CRYBG1: variants seen among roughly 807,000 people sequenced by gnomAD.
CRYBG1 encodes beta/gamma crystallin domain-containing protein 1.
A neutral mutation model predicts 189.2 loss-of-function variants in CRYBG1; 139 were observed. That is an observed-to-expected ratio of 0.73 (90% CI 0.64 to 0.85). CRYBG1 has a LOEUF of 0.85. CRYBG1 is among the 40% of genes least tolerant of loss of function. The pLI is 0.00. For synonymous variants in CRYBG1, 1,023 were observed against 1,017.1 expected (o/e 1.01, Z -0.11); for missense variants, 2,611 against 2,675.8 (o/e 0.98, Z 0.53).
chr6:106,517,766 AG>A (rs771813601), intron 3 of CRYBG1, among the ~76,000 whole-genome samples: 2 of 152,168 alleles, frequency 1.3e-5, no homozygotes, highest in Non-Finnish European at 2.9e-5. Flanking sequence ...GAGTCCAGAG[AG>A]GTAAAGTAAC....
intron 2 of CRYBG1, among the ~76,000 whole-genome samples, chr6:106,502,119 C>T (rs1258119767): frequency 6.6e-6 from 1 of 152,170 alleles, no homozygotes; most frequent in Non-Finnish European, 1.5e-5. Context: ...AGGGCCGCTT[C>T]ACCCTCTTTC....
chr6:106,522,778 C>T (rs1773639808), intron 4 of CRYBG1, among the ~76,000 whole-genome samples: 1 of 152,120 alleles, frequency 6.6e-6, no homozygotes, highest in Non-Finnish European at 1.5e-5. Context: ...ATTGTATTGG[C>T]TTTTACTACA....
intron 6 of CRYBG1, among the ~76,000 whole-genome samples, chr6:106,526,589 T>G (rs1367816178): frequency 1.3e-5 from 2 of 152,158 alleles, no homozygotes; most frequent in Admixed American, 6.5e-5. Context: ...ACATATTCAT[T>G]GATATGACTG....
At chr6:106,369,935 G>A (rs1286495714) in intron 1 of CRYBG1, among the ~76,000 whole-genome samples, 1 of 152,194 alleles carries the variant, frequency 6.6e-6, no homozygotes, top group South Asian at 2.1e-4. Flanking sequence ...TCCCCAGCCG[G>A]TGATCTTGAG....
intron 1 of CRYBG1, among the ~76,000 whole-genome samples, chr6:106,408,659 AG>A (rs1424062146): frequency 6.6e-6 from 1 of 152,198 alleles, no homozygotes; most frequent in Non-Finnish European, 1.5e-5. Flanking sequence ...CACATCAAAA[AG>A]CTTATCCACC....
chr6:106,434,103 C>T (rs1373915529), intron 1 of CRYBG1, among the ~76,000 whole-genome samples: 1 of 151,678 alleles, frequency 6.6e-6, no homozygotes, highest in Non-Finnish European at 1.5e-5. Flanking sequence ...GCCTCAGTTC[C>T]TCAATGGCTA....
intron 2 of CRYBG1, among the ~76,000 whole-genome samples, chr6:106,503,070 A>G (rs958690686): frequency 6.6e-6 from 1 of 152,144 alleles, no homozygotes; most frequent in African/African-American, 2.4e-5. Context: ...GCTCGGGAAT[A>G]TGGGGAGAGA....
At position 106,511,796 on chromosome 6, in the gene CRYBG1, T is replaced by A. The variant is rs1244800762; in HGVS notation, c.679T>A (p.Cys227Ser). Residue 227 changes from cysteine (C) to serine (S), a missense_variant, in exon 3 of 22, where the codon TGC becomes AGC. Cys to Ser is a moderately radical substitution (Grantham distance 112, BLOSUM62 -1). This residue lies in a region of CRYBG1 where 985 missense variants were observed against 924.4 expected (regional missense o/e 1.07). Transcript: ENST00000633556. ...SSAAAVAVQQ[C>S]HENDSPQLEP... ...TGCAGCGGCTGTGGCTGTGCAGCAGTGCCATGAAAATGATTCACCCCAATT... is the reference window on the plus strand; with the variant it reads ...TGCAGCGGCTGTGGCTGTGCAGCAGAGCCATGAAAATGATTCACCCCAATT... 6.5e-7 allele frequency: 1 copy of A among 1,528,782 alleles called. No individual in the cohort carries two copies. The highest frequency in any genetic ancestry group is 8.8e-7 in the Non-Finnish European group (1 of 1,142,666). The allele number at this position is 1,528,782 out of a possible 1,614,324, so 94.7% of individuals were successfully genotyped here. A position where few individuals can be genotyped will look rare whatever the true frequency, so the allele number is the denominator to read the frequency against.
rs1449436814 is a variant in CRYBG1, at chr6:106,520,631, T to C, written c.3423T>C (p.Pro1141=). ...PNSPAPHFAM[P]PIHEDHLEKV... Reference sequence around the variant, plus strand: ...CTCCTGCTCCTCACTTTGCCATGCCTCCTATTCACGAAGACCATTTAGAAA... The same window carrying C: ...CTCCTGCTCCTCACTTTGCCATGCCCCCTATTCACGAAGACCATTTAGAAA... The change falls in exon 4 of 22, where the codon CCT becomes CCC. Residue 1141 remains proline (P), a synonymous_variant. Transcript: ENST00000633556. 1 of 1,614,114 alleles carries C rather than the reference T, an allele frequency of 6.2e-7. No individual in the cohort carries two copies. Among genetic ancestry groups the C allele is most frequent in the Non-Finnish European group, 8.5e-7 (1 of 1,180,054 alleles).
intron 8 of CRYBG1, among the ~76,000 whole-genome samples, chr6:106,534,145 A>T (rs11153006): frequency 0.68 from 103,501 of 151,614 alleles, 36,051 homozygotes; most frequent in South Asian, 0.84. Context: ...ATCTGTTATC[A>T]TATTTTAATC....
chr6:106,508,860 A>G (rs927372095), intron 2 of CRYBG1, among the ~76,000 whole-genome samples: 1 of 151,966 alleles, frequency 6.6e-6, no homozygotes, highest in African/African-American at 2.4e-5. Flanking sequence ...GGAGGAGTCA[A>G]GTAGTTGAGC....
intron 1 of CRYBG1, among the ~76,000 whole-genome samples, chr6:106,392,309 C>T (rs1770522761): frequency 6.6e-6 from 1 of 152,178 alleles, no homozygotes. Context: ...ACCCCATCAT[C>T]TTGAAAAAGG....
At position 106,572,004 on chromosome 6, in the gene CRYBG1, C is replaced by T; in HGVS notation, c.*3438C>T. The T allele has an allele frequency of 6.2e-7, 1 of 1,610,770 alleles. No homozygotes were observed. Among genetic ancestry groups the T allele is most frequent in the East Asian group, 2.2e-5 (1 of 44,868 alleles). On this transcript the variant is annotated 3_prime_UTR_variant, in exon 22 of 22. Coordinates refer to ENST00000633556, the MANE Select transcript of CRYBG1 (RefSeq NM_001371242.2). ...CTAAACTGCATTTTTATTTAAACAA[C>T]ATTAATTACAGTCTTTCCTCGTGCG...
chr6:106,440,159 T>C (rs1218571415), intron 1 of CRYBG1, among the ~76,000 whole-genome samples: 1 of 152,084 alleles, frequency 6.6e-6, no homozygotes, highest in Non-Finnish European at 1.5e-5. Flanking sequence ...CCCTCTACTC[T>C]CCCTCAGCTA....
At chr6:106,412,487 T>G (rs1770945770) in intron 1 of CRYBG1, among the ~76,000 whole-genome samples, 2 of 152,250 alleles carry the variant, frequency 1.3e-5, no homozygotes, top group Admixed American at 1.3e-4. Context: ...TCTTTAAAAA[T>G]CTGACTTTGT....
chr6:106,377,730 A>G (rs1301037191), intron 1 of CRYBG1, among the ~76,000 whole-genome samples: 56 of 151,652 alleles, frequency 3.7e-4, no homozygotes, highest in Admixed American at 3.7e-3. Flanking sequence ...CTGATCAGAT[A>G]TTCACATTAT....
At chr6:106,398,728 G>A (rs555495223) in intron 1 of CRYBG1, among the ~76,000 whole-genome samples, 5 of 151,936 alleles carry the variant, frequency 3.3e-5, no homozygotes, top group Non-Finnish European at 2.9e-5. Flanking sequence ...AATCTTTTTC[G>A]TTTGCTCCAA....
At chr6:106,476,451 C>T (rs943435030) in intron 2 of CRYBG1, among the ~76,000 whole-genome samples, 1 of 152,086 alleles carries the variant, frequency 6.6e-6, no homozygotes, top group African/African-American at 2.4e-5. Flanking sequence ...AGATCTAACA[C>T]CAAAAGACCA....
intron 1 of CRYBG1, among the ~76,000 whole-genome samples, chr6:106,399,211 C>T (rs1254804364): frequency 6.6e-6 from 1 of 152,210 alleles, no homozygotes; most frequent in East Asian, 1.9e-4. Context: ...TTTTGGTCAG[C>T]CCTTTGTTAA....
Sources: allele counts gnomAD v4.1 joint callset (sites outside exome capture counted in the v4.1 genomes callset), GRCh38; gene constraint gnomAD v4.1.1; regional missense constraint gnomAD v4.1.1; transcripts MANE v1.5; gene names NCBI Gene and HGNC (gene_info 2026-07-23, HGNC 2026-07-21).